Variants in USP34 observed in about 807,000 individuals in gnomAD.
The protein encoded by USP34 is ubiquitin specific peptidase 34.
Under a neutral mutation model 460.3 loss-of-function variants are expected in USP34, and 70 were observed. The ratio of observed to expected loss-of-function variants is 0.15; its 90% CI spans 0.13 to 0.19. The LOEUF is 0.19. Ranked by LOEUF, USP34 falls within the 10% of genes least tolerant of loss-of-function variation. USP34 has a pLI of 1.00. For synonymous variants in USP34, 1,647 were observed against 1,405.3 expected (o/e 1.17, Z -3.85); for missense variants, 3,985 against 4,236.2 (o/e 0.94, Z 1.65).
chr2:61,389,198 T>A (rs1693265665), intron 5 of USP34, among the ~76,000 whole-genome samples: 1 of 152,166 alleles, frequency 6.6e-6, no homozygotes, highest in Non-Finnish European at 1.5e-5. Context: ...GATGGAATAG[T>A]TAGTGGCCTG....
chr2:61,454,885 T>C (rs1347190380), intron 1 of USP34, among the ~76,000 whole-genome samples: 4 of 124,018 alleles, frequency 3.2e-5, no homozygotes, highest in African/African-American at 1.3e-4. Flanking sequence ...TTTTTTTTTT[T>C]GGTTGTTTAT....
intron 75 of USP34, among the ~76,000 whole-genome samples, chr2:61,201,725 CAG>C (rs936857802): frequency 2.6e-5 from 4 of 152,188 alleles, no homozygotes; most frequent in Non-Finnish European, 5.9e-5. Context: ...CAACCCAAAA[CAG>C]GGTAGAACAT....
intron 34 of USP34, 78 bp from the exon 35 acceptor site, chr2:61,285,035 A>G: frequency 8.6e-7 from 1 of 1,158,570 alleles, no homozygotes; most frequent in South Asian, 1.5e-5. Flanking sequence ...AGATTTAGTT[A>G]CTAAAGAGAT....
intron 20 of USP34, among the ~76,000 whole-genome samples, chr2:61,326,137 T>TGGTGAGTGGG (rs1338907427): frequency 6.6e-6 from 1 of 151,632 alleles, no homozygotes; most frequent in Admixed American, 6.6e-5. Context: ...GGAAGAGTGC[T>TGGTGAGTGGG]GGTGAGTGGG....
chr2:61,251,773 C>CATA (rs1337246863), intron 48 of USP34, among the ~76,000 whole-genome samples: 1 of 152,084 alleles, frequency 6.6e-6, no homozygotes, highest in Non-Finnish European at 1.5e-5. Context: ...ACTGTATTTA[C>CATA]ATAAGGTTTA....
chr2:61,316,598 A>G (rs1690756534), intron 23 of USP34, among the ~76,000 whole-genome samples: 1 of 150,274 alleles, frequency 6.7e-6, no homozygotes, highest in Non-Finnish European at 1.5e-5. Flanking sequence ...AAAAATAATC[A>G]TAATGGCCTG....
chr2:61,307,632 A>G (rs146323128), intron 27 of USP34, among the ~76,000 whole-genome samples: 111 of 152,296 alleles, frequency 7.3e-4, no homozygotes, highest in African/African-American at 2.3e-3. Context: ...GAAAATATCC[A>G]TCAACAATGA....
intron 59 of USP34, 73 bp downstream of exon 59, chr2:61,229,475 A>G: frequency 1.5e-6 from 1 of 678,492 alleles, no homozygotes; most frequent in African/African-American, 2.7e-5. Flanking sequence ...AAAAAAAAAA[A>G]CAAAAAAAAA....
intron 75 of USP34, chr2:61,200,912 A>C (rs1372030850): frequency 6.6e-6 from 1 of 152,142 alleles, no homozygotes; most frequent in Non-Finnish European, 1.5e-5. Context: ...TGTTTTTAGG[A>C]AACAATAGGA....
intron 33 of USP34, among the ~76,000 whole-genome samples, chr2:61,289,099 T>A (rs1689774511): frequency 6.6e-6 from 1 of 152,220 alleles, no homozygotes. Flanking sequence ...AAGATGTATT[T>A]AATGAAATGG....
At chr2:61,265,876 A>C in intron 42 of USP34, 108 bp downstream of exon 42, 1 of 1,042,316 alleles carries the variant, frequency 9.6e-7, no homozygotes, top group Non-Finnish European at 1.3e-6. Context: ...ATAATCATTT[A>C]TAATGTTAAA....
At chr2:61,335,947 C>T (rs1035675704) in intron 18 of USP34, among the ~76,000 whole-genome samples, 2 of 152,156 alleles carry the variant, frequency 1.3e-5, no homozygotes, top group Non-Finnish European at 2.9e-5. Context: ...AGAACAGAGA[C>T]ATTCACTGTT....
chr2:61,387,643 T>A (rs1195219364), intron 5 of USP34, among the ~76,000 whole-genome samples: 2 of 146,608 alleles, frequency 1.4e-5, no homozygotes, highest in Admixed American at 1.4e-4. Flanking sequence ...CACACATATA[T>A]AAAAATATAT....
At chr2:61,365,021 A>C (rs1692388371) in intron 10 of USP34, among the ~76,000 whole-genome samples, 1 of 152,100 alleles carries the variant, frequency 6.6e-6, no homozygotes, top group Non-Finnish European at 1.5e-5. Context: ...TGGGAGATCA[A>C]GGCAGGCAGA....
At chr2:61,461,783 T>C (rs1695607922) in intron 1 of USP34, among the ~76,000 whole-genome samples, 1 of 152,172 alleles carries the variant, frequency 6.6e-6, no homozygotes, top group African/African-American at 2.4e-5. Flanking sequence ...ATGAAAAATG[T>C]TTATATTTTT....
At chr2:61,465,375 C>T (rs750201353) in intron 1 of USP34, among the ~76,000 whole-genome samples, 4 of 152,204 alleles carry the variant, frequency 2.6e-5, no homozygotes, top group Non-Finnish European at 5.9e-5. Context: ...AATATTAATA[C>T]TCTCACCAAA....
intron 67 of USP34, among the ~76,000 whole-genome samples, chr2:61,217,491 C>G (rs2103800061): frequency 6.6e-6 from 1 of 152,300 alleles, no homozygotes; most frequent in South Asian, 2.1e-4. Flanking sequence ...CAAGTTACAG[C>G]AAAAGCACTT....
chr2:61,343,749 A>G (rs1183653714), intron 16 of USP34, 66 bp downstream of exon 16: 1 of 1,382,662 alleles, frequency 7.2e-7, no homozygotes, highest in Non-Finnish European at 1.0e-6. Context: ...AGTCCTTTCA[A>G]CAAAGTAAGA....
chr2:61,387,744 T>C (rs1220464506), intron 5 of USP34, among the ~76,000 whole-genome samples: 2 of 147,684 alleles, frequency 1.4e-5, no homozygotes, highest in African/African-American at 4.9e-5. Context: ...TAAAAATATA[T>C]TTTTACGTAT....
Sources: gnomAD v4.1 joint callset for allele counts (sites outside exome capture counted in the v4.1 genomes callset) on GRCh38, gnomAD v4.1.1 for gene constraint, MANE v1.5 for transcripts, NCBI Gene and HGNC (gene_info 2026-07-23, HGNC 2026-07-21) for gene names.